The following MOGAT1 variants were observed in gnomAD, a reference collection of about 807,000 sequenced individuals.
MOGAT1 encodes 2-acylglycerol O-acyltransferase 1.
A neutral mutation model predicts 31.4 loss-of-function variants in MOGAT1; 32 were observed. The observed-to-expected ratio is 1.02, with a 90% CI of 0.77 to 1.37. The LOEUF is 1.37. Ranked by LOEUF, MOGAT1 falls within the 40% of genes most tolerant of loss-of-function variation. MOGAT1 has a pLI of 0.00. For synonymous variants in MOGAT1, 145 were observed against 144.5 expected, an observed-to-expected ratio of 1.00 and a Z score of -0.03; for missense variants, 426 against 402.0, an observed-to-expected ratio of 1.06 and a Z score of -0.51.
At chr2:222,697,312 T>C (rs571069532) in intron 5 of MOGAT1, among the ~76,000 whole-genome samples, 1 of 152,208 alleles carries the variant, frequency 6.6e-6, no homozygotes, top group African/African-American at 2.4e-5. Context: ...CCATTTAATA[T>C]GCAATCACAT....
At chr2:222,672,394 TTCTGTAA>T (rs1346589794) in intron 1 of MOGAT1, among the ~76,000 whole-genome samples, 1 of 152,174 alleles carries the variant, frequency 6.6e-6, no homozygotes, top group Non-Finnish European at 1.5e-5. Context: ...AGCAGTACCT[TTCTGTAA>T]AGAAGGCTGC....
At chr2:222,707,585 C>T (rs1186849340) in intron 5 of MOGAT1, among the ~76,000 whole-genome samples, 2 of 152,150 alleles carry the variant, frequency 1.3e-5, no homozygotes. Context: ...CTACATTGGC[C>T]TCTGCTAGTC....
chr2:222,695,121 A>C lies in MOGAT1; in HGVS notation c.686A>C (p.Glu229Ala), dbSNP rs774606061. 2 of 1,608,080 alleles carry C rather than the reference A, an allele frequency of 1.2e-6. No homozygotes were observed. Among genetic ancestry groups the C allele is most frequent in the Non-Finnish European group, 1.7e-6 (2 of 1,177,830 alleles). ...ASLVPVVSFG[E>A]NELFKQTDNP... ...CTGGTCCCAGTGGTTTCTTTTGGTG[A>C]AAATGAACTGTTTAAACAAACTGAC... The change falls in exon 5 of 6, where the codon GAA (glutamate) becomes GCA (alanine). Residue 229 changes from glutamate to alanine, a missense_variant. Transcript: ENST00000446656.
At chr2:222,700,016 A>G (rs190552330) in intron 5 of MOGAT1, among the ~76,000 whole-genome samples, 3 of 152,364 alleles carry the variant, frequency 2.0e-5, no homozygotes, top group Admixed American at 6.5e-5. Context: ...GGTATTGTTC[A>G]AGATAAGCTG....
intron 3 of MOGAT1, among the ~76,000 whole-genome samples, chr2:222,693,048 A>T (rs1202680201): frequency 1.3e-5 from 2 of 152,184 alleles, no homozygotes; most frequent in Non-Finnish European, 2.9e-5. Flanking sequence ...TTCCTCCCAT[A>T]ATAGAAACCC....
intron 5 of MOGAT1, among the ~76,000 whole-genome samples, chr2:222,704,021 G>C (rs1045604473): frequency 1.3e-5 from 2 of 152,086 alleles, no homozygotes; most frequent in African/African-American, 4.8e-5. Context: ...ATCTTGAATT[G>C]TTGGATGGAA....
rs1429957428 is a variant in MOGAT1, at chr2:222,691,209, A to AT, written c.478+1744dup. Among the ~76,000 whole-genome samples, 782 of 138,814 alleles carry AT rather than the reference A, an allele frequency of 5.6e-3. 1 individual carries two copies. Among genetic ancestry groups the AT allele is most frequent in the Non-Finnish European group, 8.3e-3 (539 of 64,582 alleles). The allele number at this position is 138,814 out of a possible 152,430, so 91.1% of individuals were successfully genotyped here. On this transcript the variant is annotated intron_variant, in intron 3 of 5. Transcript: ENST00000446656. ...ATTTATTTATTTTTTATTTTATTTT[A>AT]TTTTATTTTTTTTGAGACGGAGTTT...
At chr2:222,675,181 C>G (rs1486008847) in intron 1 of MOGAT1, among the ~76,000 whole-genome samples, 1 of 152,202 alleles carries the variant, frequency 6.6e-6, no homozygotes, top group African/African-American at 2.4e-5. Flanking sequence ...GTTCCTCTAT[C>G]CCTTGTATTT....
rs1031553847 is a variant in MOGAT1 at position 222,689,406 on chromosome 2, T to C, written c.415T>C (p.Tyr139His). 1.2e-6 allele frequency: 2 copies of C among 1,614,064 alleles called. No individual in the cohort carries two copies. The highest frequency in any genetic ancestry group is 1.7e-6 in the Non-Finnish European group (2 of 1,179,898). ...FKDLFPGFTS[Y>H]LHVLPLWFWC... ...GGACCTGTTTCCTGGCTTTACTTCA[T>C]ATCTTCACGTGCTGCCACTTTGGTT... Residue 139 changes from tyrosine to histidine, a missense_variant, in exon 3 of 6, where the codon TAT (tyrosine) becomes CAT (histidine). Tyr to His is a moderately conservative substitution (Grantham distance 83). Coordinates refer to ENST00000446656, the MANE Select transcript of MOGAT1 (RefSeq NM_058165.3).
chr2:222,684,116 T>C (rs1692625936), intron 1 of MOGAT1, among the ~76,000 whole-genome samples: 2 of 151,928 alleles, frequency 1.3e-5, no homozygotes, highest in Admixed American at 6.6e-5. Context: ...AATCAGAGGA[T>C]TACAGGGCCA....
intron 5 of MOGAT1, among the ~76,000 whole-genome samples, chr2:222,706,555 T>A (rs1217804927): frequency 7.0e-6 from 1 of 142,808 alleles, no homozygotes; most frequent in Non-Finnish European, 1.5e-5. Context: ...AAACAATTAA[T>A]GAGAAAAGAA....
intron 3 of MOGAT1, among the ~76,000 whole-genome samples, chr2:222,692,594 T>C (rs1310327118): frequency 6.6e-6 from 1 of 151,698 alleles, no homozygotes. Context: ...GAGCTGTCAC[T>C]GTAGAGCTGT....
intron 3 of MOGAT1, among the ~76,000 whole-genome samples, chr2:222,693,785 G>A (rs973024831): frequency 2.0e-5 from 3 of 152,124 alleles, no homozygotes; most frequent in Non-Finnish European, 4.4e-5. Flanking sequence ...AAGGAATTGT[G>A]GGAGTTGCAA....
At chr2:222,677,412 C>T (rs890435360) in intron 1 of MOGAT1, among the ~76,000 whole-genome samples, 3 of 152,214 alleles carry the variant, frequency 2.0e-5, no homozygotes, top group Middle Eastern at 3.4e-3. Context: ...AACCCTGACT[C>T]TACTAAAAAG....
chr2:222,685,228 T>C (rs1220776657), intron 1 of MOGAT1, among the ~76,000 whole-genome samples: 2 of 152,208 alleles, frequency 1.3e-5, no homozygotes, highest in Non-Finnish European at 2.9e-5. Flanking sequence ...CAGCTACATT[T>C]TGCAGTCTCC....
At chr2:222,703,499 T>A (rs577631695) in intron 5 of MOGAT1, among the ~76,000 whole-genome samples, 2 of 152,338 alleles carry the variant, frequency 1.3e-5, no homozygotes, top group African/African-American at 4.8e-5. Context: ...TTCTTCCACC[T>A]TTCAGTACCC....
intron 1 of MOGAT1, among the ~76,000 whole-genome samples, chr2:222,676,638 G>T (rs1044143068): frequency 1.3e-5 from 2 of 152,136 alleles, no homozygotes; most frequent in African/African-American, 4.8e-5. Context: ...GACAGTTGCA[G>T]GTTTAACTTT....
intron 5 of MOGAT1, among the ~76,000 whole-genome samples, chr2:222,697,314 C>A (rs1692850807): frequency 1.3e-5 from 2 of 152,248 alleles, no homozygotes; most frequent in South Asian, 4.1e-4. Context: ...ATTTAATATG[C>A]AATCACATGA....
chr2:222,701,540 A>AGAG (rs373958089), intron 5 of MOGAT1, among the ~76,000 whole-genome samples: 3 of 91,130 alleles, frequency 3.3e-5, no homozygotes, highest in African/African-American at 1.7e-4. Flanking sequence ...AAAGAGAAAG[A>AGAG]AAAAAGAAAA....
Sources: gnomAD v4.1 joint callset for allele counts (sites outside exome capture counted in the v4.1 genomes callset) on GRCh38, gnomAD v4.1.1 for gene constraint, MANE v1.5 for transcripts, NCBI Gene and HGNC (gene_info 2026-07-23, HGNC 2026-07-21) for gene names.